PLEKHH2: variants seen among roughly 807,000 people sequenced by gnomAD.
PLEKHH2 encodes pleckstrin homology domain-containing family H member 2.
PLEKHH2 carries 129 observed loss-of-function variants against 187.9 expected under a neutral mutation model. The ratio of observed to expected loss-of-function variants is 0.69; its 90% CI spans 0.59 to 0.79. The LOEUF (loss-of-function observed/expected upper bound fraction) is 0.79, where lower values mean the gene tolerates loss of function less well. Ranked by LOEUF, PLEKHH2 falls within the 30% of genes least tolerant of loss-of-function variation. PLEKHH2 has a pLI of 0.00. For synonymous variants in PLEKHH2, 686 were observed against 605.6 expected (o/e 1.13, Z -1.95); for missense variants, 2,076 against 1,751.2 (o/e 1.19, Z -3.31).
At chr2:43,764,103 AT>A in intron 28 of PLEKHH2, 124 bp from the exon 29 acceptor site, 1 of 549,322 alleles carries the variant, frequency 1.8e-6, no homozygotes, top group East Asian at 3.6e-5. Flanking sequence ...ATTTTAGAAA[AT>A]AATTTTGTAT....
intron 26 of PLEKHH2, among the ~76,000 whole-genome samples, chr2:43,757,544 A>G (rs1672264430): frequency 6.7e-6 from 1 of 150,342 alleles, no homozygotes; most frequent in Admixed American, 6.7e-5. Flanking sequence ...TCAGCCTCCC[A>G]AGTAGCTGGG....
chr2:43,646,788 T>C (rs1197426951), intron 2 of PLEKHH2, among the ~76,000 whole-genome samples: 1 of 151,738 alleles, frequency 6.6e-6, no homozygotes, highest in Non-Finnish European at 1.5e-5. Flanking sequence ...GCTGTTCTAG[T>C]TGTGGTTTCT....
At chr2:43,763,770 G>A (rs1178585967) in intron 28 of PLEKHH2, among the ~76,000 whole-genome samples, 2 of 151,974 alleles carry the variant, frequency 1.3e-5, no homozygotes, top group African/African-American at 2.4e-5. Context: ...GGGTTAATAC[G>A]TGATACTGTT....
At chr2:43,646,765 T>C (rs1465343348) in intron 2 of PLEKHH2, among the ~76,000 whole-genome samples, 1 of 151,898 alleles carries the variant, frequency 6.6e-6, no homozygotes, top group Non-Finnish European at 1.5e-5. Flanking sequence ...GATAGGAATG[T>C]TATTTCGGAA....
intron 25 of PLEKHH2, 139 bp from the exon 26 acceptor site, chr2:43,756,980 A>C (rs546142860): frequency 5.4e-6 from 3 of 556,988 alleles, no homozygotes; most frequent in South Asian, 1.3e-4. Flanking sequence ...ATGATTATGA[A>C]GTTCATAATC....
intron 8 of PLEKHH2, among the ~76,000 whole-genome samples, chr2:43,701,092 A>G (rs956951059): frequency 6.6e-6 from 1 of 152,232 alleles, no homozygotes; most frequent in Non-Finnish European, 1.5e-5. Flanking sequence ...GTATTACCTT[A>G]TTTACTGATA....
In PLEKHH2 at chr2:43,742,775, C is replaced by G. The variant is rs765269949; in HGVS notation, c.3256C>G (p.Arg1086Gly). ...TGGAAAATATGCCATTTACTGCCAG[C>G]GTTGTGTAGAAAGAACGCAACAAAA... ...EFGKYAIYCQ[R>G]CVERTQQNGD... The change falls in exon 22 of 30, where the codon CGT becomes GGT. Residue 1086 changes from arginine (R) to glycine (G), a missense_variant. By Grantham distance (125) the Arg-to-Gly change is moderately radical (BLOSUM62 -2). Coordinates refer to ENST00000282406, the MANE Select transcript of PLEKHH2 (RefSeq NM_172069.4). 2 of 1,596,322 alleles carry G rather than the reference C, an allele frequency of 1.3e-6. No homozygotes were observed. The highest frequency in any genetic ancestry group is 2.7e-5 in the African/African-American group (2 of 73,982).
At chr2:43,749,874 T>C (rs1219995103) in intron 24 of PLEKHH2, among the ~76,000 whole-genome samples, 1 of 152,232 alleles carries the variant, frequency 6.6e-6, no homozygotes, top group Non-Finnish European at 1.5e-5. Flanking sequence ...CTCTTTATCA[T>C]GGAATTTTAA....
At chr2:43,686,931 C>T (rs1558489710) in intron 3 of PLEKHH2, among the ~76,000 whole-genome samples, 1 of 151,990 alleles carries the variant, frequency 6.6e-6, no homozygotes, top group Non-Finnish European at 1.5e-5. Flanking sequence ...TGTCCCTCTC[C>T]TTATTTACAG....
chr2:43,684,086 T>A (rs1037009728), intron 3 of PLEKHH2, among the ~76,000 whole-genome samples: 7 of 152,268 alleles, frequency 4.6e-5, no homozygotes, highest in East Asian at 1.9e-4. Context: ...TTACTCTTGG[T>A]GTTTTATGTT....
At chr2:43,747,351 G>A (rs1346118080) in intron 24 of PLEKHH2, among the ~76,000 whole-genome samples, 1 of 152,178 alleles carries the variant, frequency 6.6e-6, no homozygotes, top group Non-Finnish European at 1.5e-5. Context: ...ACAACAGTGA[G>A]CCTGACCTAG....
At chr2:43,695,255 GGATT>G in intron 6 of PLEKHH2, 31 bp downstream of exon 6, 1 of 1,299,872 alleles carries the variant, frequency 7.7e-7, no homozygotes, top group Non-Finnish European at 1.1e-6. Flanking sequence ...TAGCTTAGTT[GGATT>G]TATTTGACTA....
chr2:43,761,002 G>A (rs1306335422), intron 27 of PLEKHH2, among the ~76,000 whole-genome samples: 1 of 151,872 alleles, frequency 6.6e-6, no homozygotes, highest in African/African-American at 2.4e-5. Flanking sequence ...ACATTCCACT[G>A]TAGGTATATA....
intron 2 of PLEKHH2, among the ~76,000 whole-genome samples, chr2:43,645,728 G>A (rs1349204090): frequency 6.6e-6 from 1 of 151,962 alleles, no homozygotes; most frequent in African/African-American, 2.4e-5. Flanking sequence ...CTTTTTAAAC[G>A]TGTGTATTAG....
At position 43,723,886 on chromosome 2, in the gene PLEKHH2, GT is replaced by G. The variant is rs368070849; in HGVS notation, c.2542-2384del. ...ACCGGAGGGAATAAGGAGGAGATGG[GT>G]TAGGAGCCATTGCAGTAATCCAGGT... On this transcript the variant is annotated intron_variant, in intron 16 of 29. Transcript: ENST00000282406. Among the ~76,000 whole-genome samples the G allele has an allele frequency of 2.5e-4, 38 of 152,290 alleles. 1 individual carries two copies. In the East Asian group the frequency reaches 6.6e-3, roughly 26 times the overall value.
At chr2:43,730,258 C>A (rs2568248) in intron 18 of PLEKHH2, among the ~76,000 whole-genome samples, 2 of 152,070 alleles carry the variant, frequency 1.3e-5, no homozygotes, top group Admixed American at 1.3e-4. Flanking sequence ...TACAAAATTT[C>A]TTTGTGAGTT....
intron 20 of PLEKHH2, among the ~76,000 whole-genome samples, chr2:43,739,772 C>T (rs1158636399): frequency 1.3e-5 from 2 of 152,180 alleles, no homozygotes; most frequent in Non-Finnish European, 2.9e-5. Flanking sequence ...AAACACACTC[C>T]ACCTTTGCAA....
At chr2:43,755,082 A>G (rs1046786035) in intron 25 of PLEKHH2, among the ~76,000 whole-genome samples, 1 of 152,046 alleles carries the variant, frequency 6.6e-6, no homozygotes, top group Non-Finnish European at 1.5e-5. Context: ...CATGTTGGCC[A>G]GGCTAGTCTC....
intron 21 of PLEKHH2, chr2:43,741,361 C>T (rs77616960): frequency 0.02 from 3,409 of 168,768 alleles, 127 homozygotes; most frequent in African/African-American, 0.077. Flanking sequence ...TATTTTGTTT[C>T]CTTAGTTTTC....
Sources: allele counts gnomAD v4.1 joint callset (sites outside exome capture counted in the v4.1 genomes callset), GRCh38; gene constraint gnomAD v4.1.1; transcripts MANE v1.5; gene names NCBI Gene and HGNC (gene_info 2026-07-23, HGNC 2026-07-21).